Variants in GABBR2 observed in about 807,000 individuals in gnomAD.
GABBR2 encodes the protein G-protein coupled receptor 51.
In GABBR2, 23 loss-of-function variants were observed where a neutral mutation model predicts 105.6. The observed-to-expected ratio is 0.22, with a 90% CI of 0.16 to 0.31. The LOEUF is 0.31. Among genes scored for constraint, GABBR2 ranks in the 10% least tolerant of loss-of-function variants. The pLI is 1.00. For synonymous variants in GABBR2, 478 were observed against 499.7 expected (o/e 0.96, Z 0.58); for missense variants, 734 against 1,245.5 (o/e 0.59, Z 6.18).
chr9:98,708,595 C>G lies in GABBR2; in HGVS notation c.143G>C (p.Arg48Pro). 6.9e-7 allele frequency: 1 copy of G among 1,443,152 alleles called. No individual in the cohort carries two copies. Among genetic ancestry groups the G allele is most frequent in the South Asian group, 1.5e-5 (1 of 68,736 alleles). 89.4% of individuals were successfully genotyped at this position (1,443,152 alleles called of 1,614,324 possible). A position where few individuals can be genotyped will look rare whatever the true frequency, so the allele number is the denominator to read the frequency against. The change falls in exon 1 of 19, where the codon CGG (arginine) becomes CCG (proline). Residue 48 changes from arginine to proline, a missense_variant. Coordinates refer to ENST00000259455, the MANE Select transcript of GABBR2 (RefSeq NM_005458.8). ...GAGCGGCGGGCTGCTGGGCGGCGGC[C>G]GGGGGGCGCCCCGCGCCCAGCCCCA... The part of the protein sequence containing the change: ...GAWGWARGAP[R>P]PPPSSPPLSI...
intron 7 of GABBR2, among the ~76,000 whole-genome samples, chr9:98,440,719 T>C (rs1013974309): frequency 6.6e-6 from 1 of 152,256 alleles, no homozygotes; most frequent in Non-Finnish European, 1.5e-5. Flanking sequence ...CACGCAGGTC[T>C]GGTTCTCATC....
At chr9:98,559,082 G>T (rs11999209) in intron 2 of GABBR2, among the ~76,000 whole-genome samples, 8,953 of 151,962 alleles carry the variant, frequency 0.059, 459 homozygotes, top group African/African-American at 0.14. Flanking sequence ...TTTTATTTCA[G>T]CTCTAAAATT....
chr9:98,489,683 G>C (rs910604110), intron 4 of GABBR2, among the ~76,000 whole-genome samples: 1 of 152,026 alleles, frequency 6.6e-6, no homozygotes, highest in African/African-American at 2.4e-5. Flanking sequence ...GCCCCCGAGA[G>C]AGCCCAACAG....
intron 1 of GABBR2, among the ~76,000 whole-genome samples, chr9:98,586,275 CTTTTCTTTCTT>C (rs1829074286): frequency 6.9e-6 from 1 of 145,354 alleles, no homozygotes. Context: ...CTTTTCTTCT[CTTTTCTTTCTT>C]TTTTTTTTTT....
chr9:98,461,077 T>C (rs201449817), intron 6 of GABBR2, among the ~76,000 whole-genome samples: 1 of 151,982 alleles, frequency 6.6e-6, no homozygotes, highest in Admixed American at 6.6e-5. Flanking sequence ...TAAAATAAAT[T>C]TCAGACAGCC....
chr9:98,702,398 G>T (rs980159133), intron 1 of GABBR2, among the ~76,000 whole-genome samples: 2 of 151,766 alleles, frequency 1.3e-5, no homozygotes, highest in South Asian at 2.1e-4. Flanking sequence ...CCCCATCACC[G>T]CTCCCTTCAA....
At chr9:98,589,418 A>G (rs533044028) in intron 1 of GABBR2, among the ~76,000 whole-genome samples, 14 of 152,334 alleles carry the variant, frequency 9.2e-5, no homozygotes, top group East Asian at 3.9e-4. Context: ...ACTTTCATGC[A>G]TGAAACTTCT....
intron 13 of GABBR2, among the ~76,000 whole-genome samples, chr9:98,349,947 G>GT (rs1162771480): frequency 6.6e-6 from 1 of 151,978 alleles, no homozygotes; most frequent in African/African-American, 2.4e-5. Flanking sequence ...GTCTGTGTAG[G>GT]TTTTCTATTC....
At chr9:98,372,684 G>A (rs1308647115) in intron 11 of GABBR2, among the ~76,000 whole-genome samples, 1 of 152,196 alleles carries the variant, frequency 6.6e-6, no homozygotes, top group African/African-American at 2.4e-5. Flanking sequence ...ACCAACACAT[G>A]TAGGAAGTTT....
chr9:98,359,665 C>G (rs497371), intron 13 of GABBR2, among the ~76,000 whole-genome samples: 62,363 of 151,844 alleles, frequency 0.41, 15,137 homozygotes, highest in African/African-American at 0.68. Context: ...TGAAGTGATA[C>G]GGTTATTCGT....
chr9:98,448,427 ATTTAT>A, intron 7 of GABBR2, among the ~76,000 whole-genome samples: 2 of 152,240 alleles, frequency 1.3e-5, no homozygotes, highest in South Asian at 2.1e-4. Context: ...GAGTCTATTA[ATTTAT>A]TTTATTTCTT....
intron 6 of GABBR2, among the ~76,000 whole-genome samples, chr9:98,461,844 C>G (rs1004604374): frequency 6.6e-6 from 1 of 152,280 alleles, no homozygotes; most frequent in South Asian, 2.1e-4. Flanking sequence ...AGGTGTGGCA[C>G]ATGGCAAGAA....
chr9:98,594,778 T>C (rs546842351), intron 1 of GABBR2, among the ~76,000 whole-genome samples: 1 of 152,322 alleles, frequency 6.6e-6, no homozygotes, highest in African/African-American at 2.4e-5. Context: ...GGTCCTCCCT[T>C]TGTATAACAG....
intron 7 of GABBR2, among the ~76,000 whole-genome samples, chr9:98,440,364 T>C (rs1228889601): frequency 6.6e-6 from 1 of 152,206 alleles, no homozygotes; most frequent in Non-Finnish European, 1.5e-5. Flanking sequence ...GAGAGATTGA[T>C]TCCTTGCTCA....
chr9:98,397,360 T>C (rs751724067), intron 8 of GABBR2, among the ~76,000 whole-genome samples: 1 of 152,178 alleles, frequency 6.6e-6, no homozygotes, highest in Non-Finnish European at 1.5e-5. Context: ...CAAACATTAC[T>C]GGACACCCAT....
At chr9:98,382,600 C>G (rs1037716674) in intron 11 of GABBR2, among the ~76,000 whole-genome samples, 2 of 152,136 alleles carry the variant, frequency 1.3e-5, no homozygotes, top group African/African-American at 4.8e-5. Context: ...TAAGCATGAG[C>G]CACTGCACCC....
intron 17 of GABBR2, among the ~76,000 whole-genome samples, chr9:98,297,584 G>T (rs533119188): frequency 6.6e-6 from 1 of 151,882 alleles, no homozygotes; most frequent in Non-Finnish European, 1.5e-5. Context: ...TTGCACTCCA[G>T]CCTGGGCAAC....
intron 2 of GABBR2, among the ~76,000 whole-genome samples, chr9:98,564,442 AG>A (rs1828721959): frequency 6.6e-6 from 1 of 152,216 alleles, no homozygotes; most frequent in Non-Finnish European, 1.5e-5. Context: ...TGTGACAGGC[AG>A]TGTAGACTTG....
chr9:98,549,189 AC>A (rs1828443459), intron 2 of GABBR2, among the ~76,000 whole-genome samples: 1 of 121,914 alleles, frequency 8.2e-6, no homozygotes, highest in South Asian at 2.7e-4. Context: ...CAGGTGATCC[AC>A]CTGCTTTGGC....
Sources: gnomAD v4.1 joint callset for allele counts (sites outside exome capture counted in the v4.1 genomes callset) on GRCh38, gnomAD v4.1.1 for gene constraint, MANE v1.5 for transcripts, NCBI Gene and HGNC (gene_info 2026-07-23, HGNC 2026-07-21) for gene names.